Variants in C12orf42 observed in about 807,000 individuals in gnomAD.
The protein encoded by C12orf42 is chromosome 12 open reading frame 42.
A neutral mutation model predicts 21.6 loss-of-function variants in C12orf42; 25 were observed. That is an observed-to-expected ratio of 1.16 (90% CI 0.84 to 1.62). The LOEUF (loss-of-function observed/expected upper bound fraction) is 1.62, where lower values mean the gene tolerates loss of function less well. Ranked by LOEUF, C12orf42 falls within the 40% of genes most tolerant of loss-of-function variation. The pLI is 0.00. For missense variants in C12orf42, 483 were observed against 459.3 expected, an observed-to-expected ratio of 1.05 and a Z score of -0.47; for synonymous variants, 174 against 175.0, an observed-to-expected ratio of 0.99 and a Z score of 0.05.
the C12orf42 span, among the ~76,000 whole-genome samples, chr12:103,513,389 C>T: frequency 6.6e-6 from 1 of 152,218 alleles, no homozygotes; most frequent in Admixed American, 6.5e-5. Context: ...AAGAATATGA[C>T]TTCACAGCTA....
chr12:103,387,949 C>T (rs1033582084), intron 3 of C12orf42, among the ~76,000 whole-genome samples: 2 of 152,288 alleles, frequency 1.3e-5, no homozygotes, highest in South Asian at 4.1e-4. Context: ...CTTAATCCAA[C>T]TCAACTTGCA....
chr12:103,412,994 T>C (rs1252545750), intron 2 of C12orf42, among the ~76,000 whole-genome samples: 3 of 152,230 alleles, frequency 2.0e-5, no homozygotes, highest in Non-Finnish European at 4.4e-5. Context: ...TTTGTTTTGT[T>C]GCAATTGCTT....
At chr12:103,478,570 G>T in intron 1 of C12orf42, 123 bp from the exon 2 acceptor site, 3 of 424,320 alleles carry the variant, frequency 7.1e-6, no homozygotes, top group Non-Finnish European at 8.1e-6. Context: ...TTTCTTGCCA[G>T]TGACTTTCAA....
chr12:103,401,468 T>C, intron 3 of C12orf42, 139 bp downstream of exon 3: 1 of 729,396 alleles, frequency 1.4e-6, no homozygotes, highest in Non-Finnish European at 2.3e-6. Context: ...AACATTCTTC[T>C]TATTTTAAAA....
chr12:103,512,139 T>C, the C12orf42 span, among the ~76,000 whole-genome samples: 1 of 152,230 alleles, frequency 6.6e-6, no homozygotes, highest in Non-Finnish European at 1.5e-5. Flanking sequence ...TCTCACCTTC[T>C]CATTACATTT....
intron 2 of C12orf42, among the ~76,000 whole-genome samples, chr12:103,429,015 T>C (rs984334392): frequency 1.3e-5 from 2 of 152,172 alleles, no homozygotes; most frequent in East Asian, 1.9e-4. Context: ...CAATATCATA[T>C]TGAATGAGCA....
At chr12:103,199,450 A>G in the C12orf42 span, among the ~76,000 whole-genome samples, 5 of 152,230 alleles carry the variant, frequency 3.3e-5, no homozygotes, top group African/African-American at 1.2e-4. Flanking sequence ...CACAGGCAAT[A>G]TAGGTAAAAT....
chr12:103,245,938 G>A (rs1478433775), intron 10 of C12orf42, among the ~76,000 whole-genome samples: 1 of 152,010 alleles, frequency 6.6e-6, no homozygotes, highest in Admixed American at 6.6e-5. Context: ...CCTTTGAGCT[G>A]GACTTTGAAG....
chr12:103,421,696 T>C (rs1432277959), intron 2 of C12orf42, among the ~76,000 whole-genome samples: 2 of 152,182 alleles, frequency 1.3e-5, no homozygotes, highest in Non-Finnish European at 2.9e-5. Flanking sequence ...ATAGTAGTAG[T>C]GTTTCAATAC....
intron 3 of C12orf42, among the ~76,000 whole-genome samples, chr12:103,388,011 C>A (rs2046757095): frequency 6.6e-6 from 1 of 152,150 alleles, no homozygotes; most frequent in Non-Finnish European, 1.5e-5. Context: ...TTAAAATAAT[C>A]TCTTTTTAGA....
At chr12:103,083,476 A>C in the C12orf42 span, among the ~76,000 whole-genome samples, 1 of 152,178 alleles carries the variant, frequency 6.6e-6, no homozygotes, top group East Asian at 1.9e-4. Flanking sequence ...TTCATTCCCC[A>C]AAAAATGTGT....
At chr12:103,453,728 G>T (rs1952103471) in intron 2 of C12orf42, among the ~76,000 whole-genome samples, 1 of 151,814 alleles carries the variant, frequency 6.6e-6, no homozygotes, top group Admixed American at 6.6e-5. Context: ...TCCTCTTCTT[G>T]ATTGCAATTT....
intron 4 of C12orf42, among the ~76,000 whole-genome samples, chr12:103,327,110 T>C (rs76634810): frequency 7.1e-4 from 108 of 152,282 alleles, no homozygotes; most frequent in African/African-American, 2.6e-3. Context: ...GGCACAGCAG[T>C]TGGAAGCTGG....
the C12orf42 span, among the ~76,000 whole-genome samples, chr12:103,181,143 T>G: frequency 6.6e-6 from 1 of 152,064 alleles, no homozygotes; most frequent in African/African-American, 2.4e-5. Context: ...ACACCTGTAG[T>G]CCCAGCTACT....
chr12:103,290,115 T>C (rs974409949), intron 4 of C12orf42, among the ~76,000 whole-genome samples: 1 of 152,064 alleles, frequency 6.6e-6, no homozygotes, highest in Non-Finnish European at 1.5e-5. Flanking sequence ...AAGCAAACAA[T>C]ATGCATATCA....
At chr12:103,390,260 C>T (rs377720880) in intron 3 of C12orf42, among the ~76,000 whole-genome samples, 6 of 152,248 alleles carry the variant, frequency 3.9e-5, no homozygotes, top group Middle Eastern at 6.8e-3. Context: ...AAGTTCTAAG[C>T]GTTTTACCTC....
At chr12:103,538,624 T>A in the C12orf42 span, among the ~76,000 whole-genome samples, 9 of 152,374 alleles carry the variant, frequency 5.9e-5, 1 homozygote, top group Admixed American at 2.6e-4. Context: ...CTGTGAATCA[T>A]CCACTTGGGT....
chr12:103,081,819 AT>A, the C12orf42 span, among the ~76,000 whole-genome samples: 3 of 152,268 alleles, frequency 2.0e-5, no homozygotes, highest in African/African-American at 7.2e-5. Context: ...TTTGATAAAG[AT>A]TATTTTGTTT....
At chr12:103,111,266 C>G in the C12orf42 span, among the ~76,000 whole-genome samples, 1 of 151,962 alleles carries the variant, frequency 6.6e-6, no homozygotes, top group African/African-American at 2.4e-5. Context: ...TGTATTAAAA[C>G]TTTTTATGAT....
Sources: allele counts gnomAD v4.1 joint callset (sites outside exome capture counted in the v4.1 genomes callset), GRCh38; gene constraint gnomAD v4.1.1; transcripts MANE v1.5; gene names NCBI Gene and HGNC (gene_info 2026-07-23, HGNC 2026-07-21).